The following MCF2L2 variants were observed in gnomAD, a reference collection of about 807,000 sequenced individuals.
MCF2L2 encodes probable guanine nucleotide exchange factor MCF2L2.
A neutral mutation model predicts 150.2 loss-of-function variants in MCF2L2; 102 were observed. The observed-to-expected ratio is 0.68, with a 90% CI of 0.58 to 0.80. The LOEUF (loss-of-function observed/expected upper bound fraction) is 0.80. Among genes scored for constraint, MCF2L2 ranks in the 30% least tolerant of loss-of-function variants. The pLI, the probability that MCF2L2 is intolerant of heterozygous loss-of-function variation, is 0.00. For missense variants in MCF2L2, 1,256 were observed against 1,372.8 expected (o/e 0.91, Z 1.34); for synonymous variants, 465 against 491.3 (o/e 0.95, Z 0.71).
At chr3:183,226,749 A>T (rs1032680461) in intron 18 of MCF2L2, 1 of 152,238 alleles carries the variant, frequency 6.6e-6, no homozygotes, top group Non-Finnish European at 1.5e-5. Context: ...ACATAACCAT[A>T]AAATACTTCT....
chr3:183,277,633 CAA>C (rs1478898959), intron 14 of MCF2L2, among the ~76,000 whole-genome samples: 1 of 151,246 alleles, frequency 6.6e-6, no homozygotes, highest in African/African-American at 2.4e-5. Flanking sequence ...AGCTCTAAAA[CAA>C]TATGGCAATC....
chr3:183,180,647 AT>A (rs551652747), intron 27 of MCF2L2, among the ~76,000 whole-genome samples: 5 of 152,232 alleles, frequency 3.3e-5, no homozygotes, highest in Non-Finnish European at 7.3e-5. Flanking sequence ...CAGTGAACTG[AT>A]TAATTAATCC....
chr3:183,378,071 G>A (rs1461472138), intron 3 of MCF2L2: 1 of 152,218 alleles, frequency 6.6e-6, no homozygotes, highest in Non-Finnish European at 1.5e-5. Context: ...TTTCAAGTGG[G>A]TTTGGTTAAA....
intron 4 of MCF2L2, among the ~76,000 whole-genome samples, chr3:183,339,861 G>A (rs950196156): frequency 8.5e-5 from 13 of 152,146 alleles, no homozygotes; most frequent in Admixed American, 5.2e-4. Context: ...CACCTGAAGA[G>A]ATTCTGGCAG....
intron 8 of MCF2L2, 61 bp downstream of exon 8, chr3:183,311,587 C>T: frequency 6.3e-7 from 1 of 1,596,258 alleles, no homozygotes; most frequent in East Asian, 2.2e-5. Flanking sequence ...CTTGGTTGCT[C>T]CAGAACATCT....
At chr3:183,234,509 A>C (rs1723715405) in intron 15 of MCF2L2, among the ~76,000 whole-genome samples, 1 of 152,176 alleles carries the variant, frequency 6.6e-6, no homozygotes, top group East Asian at 1.9e-4. Context: ...TGCAAGAGAT[A>C]AAATGCCAAG....
intron 6 of MCF2L2, among the ~76,000 whole-genome samples, chr3:183,322,740 A>C (rs1420202563): frequency 6.6e-6 from 1 of 152,166 alleles, no homozygotes; most frequent in African/African-American, 2.4e-5. Context: ...TCACCCAGGT[A>C]GTGAGTATCG....
At chr3:183,402,451 CA>C (rs779201489) in intron 1 of MCF2L2, among the ~76,000 whole-genome samples, 756 of 54,734 alleles carry the variant, frequency 0.014, 7 homozygotes, top group African/African-American at 0.031. Flanking sequence ...GAGACTCCAT[CA>C]AAAAAAAAAA....
In MCF2L2 at chr3:183,276,965, G is replaced by A. The variant is rs767164050; in HGVS notation, c.1777-8C>T. The A allele has an allele frequency of 3.8e-6, 6 of 1,581,406 alleles. No homozygotes were observed. Among genetic ancestry groups the A allele is most frequent in the Non-Finnish European group, 5.2e-6 (6 of 1,157,562 alleles). The stretch of plus-strand genomic sequence containing the variant: ...TTCAAAGATTTCTTCACTCTGAAGT[G>A]AAAGAAATTTTGGTAAGATTTGATA... On this transcript the variant is annotated splice_polypyrimidine_tract_variant and splice_region_variant and intron_variant, in intron 14 of 29. Transcript: ENST00000328913.
At chr3:183,400,522 C>G (rs745818851) in intron 1 of MCF2L2, 1 of 455,584 alleles carries the variant, frequency 2.2e-6, no homozygotes, top group Non-Finnish European at 4.4e-6. Context: ...CCACCTCGCT[C>G]GCTCTCCATT....
chr3:183,348,093 C>T (rs943242267), intron 3 of MCF2L2, among the ~76,000 whole-genome samples: 2 of 152,136 alleles, frequency 1.3e-5, no homozygotes, highest in Non-Finnish European at 2.9e-5. Context: ...TATAAAGACA[C>T]ATGCACAAGT....
At chr3:183,414,272 C>T (rs1021082899) in intron 1 of MCF2L2, among the ~76,000 whole-genome samples, 6 of 152,002 alleles carry the variant, frequency 3.9e-5, no homozygotes, top group Non-Finnish European at 8.8e-5. Flanking sequence ...TGTTATAGGT[C>T]TATTCATATT....
intron 5 of MCF2L2, among the ~76,000 whole-genome samples, chr3:183,336,963 TTTGA>T (rs1730508588): frequency 6.6e-6 from 1 of 152,036 alleles, no homozygotes; most frequent in African/African-American, 2.4e-5. Context: ...CAGCTACTGT[TTTGA>T]TTTTCTATCA....
chr3:183,330,433 G>A (rs1730225359), intron 5 of MCF2L2, among the ~76,000 whole-genome samples: 1 of 151,324 alleles, frequency 6.6e-6, no homozygotes, highest in African/African-American at 2.5e-5. Context: ...GCATTTGTAT[G>A]ACTCTCTGCA....
intron 21 of MCF2L2, among the ~76,000 whole-genome samples, chr3:183,218,001 T>A (rs921247313): frequency 1.1e-4 from 16 of 152,160 alleles, no homozygotes; most frequent in Non-Finnish European, 1.6e-4. Context: ...CATAAAAAAA[T>A]TTTGGTTTAT....
At chr3:183,296,519 T>C (rs79867778) in intron 12 of MCF2L2, 3,478 of 159,916 alleles carry the variant, frequency 0.022, 76 homozygotes, top group East Asian at 0.051. Flanking sequence ...TGACTCTTCC[T>C]GAGAGCCTTC....
intron 1 of MCF2L2, among the ~76,000 whole-genome samples, chr3:183,420,287 G>C (rs1015684483): frequency 6.6e-6 from 1 of 152,058 alleles, no homozygotes; most frequent in Non-Finnish European, 1.5e-5. Context: ...CTCTGTATTA[G>C]TCTGTTTCCA....
chr3:183,200,566 TG>T (rs2108641729), intron 25 of MCF2L2, among the ~76,000 whole-genome samples: 2 of 152,348 alleles, frequency 1.3e-5, no homozygotes, highest in East Asian at 3.9e-4. Flanking sequence ...TCTCCCATTC[TG>T]TAAGTTGCCT....
chr3:183,424,266 ATATTT>A (rs1473959568), intron 1 of MCF2L2, among the ~76,000 whole-genome samples: 2 of 152,172 alleles, frequency 1.3e-5, no homozygotes, highest in Non-Finnish European at 2.9e-5. Flanking sequence ...TGTGAACTGC[ATATTT>A]TATAAGAGTT....
Sources: allele counts gnomAD v4.1 joint callset (sites outside exome capture counted in the v4.1 genomes callset), GRCh38; gene constraint gnomAD v4.1.1; transcripts MANE v1.5; gene names NCBI Gene and HGNC (gene_info 2026-07-23, HGNC 2026-07-21).